ADGRG4: variants seen among roughly 807,000 people sequenced by gnomAD.
ADGRG4 encodes the protein G protein-coupled receptor 112.
Under a neutral mutation model 126.2 loss-of-function variants are expected in ADGRG4, and 122 were observed. That is an observed-to-expected ratio of 0.97 (90% confidence interval 0.83 to 1.12). ADGRG4 has a LOEUF of 1.12. ADGRG4 is among the 50% of genes most tolerant of loss of function. The pLI, the probability that ADGRG4 is intolerant of heterozygous loss-of-function variation, is 0.00. For missense variants in ADGRG4, 2,481 were observed against 2,251.8 expected (o/e 1.10, Z -2.06); for synonymous variants, 943 against 838.7 (o/e 1.12, Z -2.15).
At position 136,353,341 on chromosome X, in the gene ADGRG4, A is replaced by G; in HGVS notation, c.6827A>G (p.Asn2276Ser). ...VINEFTENSL[N>S]SIFQNSEFSL... ...ATTTTTTTTTGTCTTGTACAGTTGAATTCTATATTTCAGAACAGTGAATTT... is the reference window on the plus strand; with the variant it reads ...ATTTTTTTTTGTCTTGTACAGTTGAGTTCTATATTTCAGAACAGTGAATTT... Residue 2276 changes from asparagine (N) to serine (S), a missense_variant, in exon 8 of 26, where the codon AAT becomes AGT. Asn to Ser is a conservative substitution (Grantham distance 46). Coordinates refer to ENST00000394143, the MANE Select transcript of ADGRG4 (RefSeq NM_153834.4). 1.7e-6 allele frequency: 2 copies of G among 1,183,974 alleles called. No homozygotes were observed. The highest frequency in any genetic ancestry group is 2.3e-6 in the Non-Finnish European group (2 of 871,470).
chrX:136,393,707 A>G (rs2075331930), intron 18 of ADGRG4, 127 bp downstream of exon 18: 1 of 468,623 alleles, frequency 2.1e-6, no homozygotes, highest in East Asian at 3.8e-5. Flanking sequence ...AATGACCAAG[A>G]TACAGGATAT....
At chrX:136,397,491 C>CA (rs2075356336) in intron 19 of ADGRG4, among the ~76,000 whole-genome samples, 2 of 50,568 alleles carry the variant, frequency 4.0e-5, no homozygotes, top group African/African-American at 1.5e-4. Flanking sequence ...AGGAAAAGGA[C>CA]TTTTTTTTTT....
In ADGRG4 at chrX:136,396,791, CTT is replaced by C. The variant is rs778121909; in HGVS notation, c.8185-1076_8185-1075del. Among the ~76,000 whole-genome samples, 5 of 92,090 alleles carry C rather than the reference CTT, an allele frequency of 5.4e-5. No homozygotes were observed. In the South Asian group the frequency reaches 1.6e-3, roughly 29 times the overall value. The allele number at this position is 92,090 out of a possible 115,157, so 80.0% of individuals were successfully genotyped here. On this transcript the variant is annotated intron_variant, in intron 19 of 25. Transcript: ENST00000394143. ...AGATATTCTGGCCAAATAGTTCTGT[CTT>C]TTTTTTTTTTTTTCTTAACGGAGTC... is the stretch of plus-strand genomic sequence containing the variant.
intron 5 of ADGRG4, among the ~76,000 whole-genome samples, chrX:136,334,554 C>T (rs1333266583): frequency 1.8e-5 from 2 of 112,154 alleles, no homozygotes; most frequent in African/African-American, 6.5e-5. Context: ...GACGTCTTTA[C>T]TATGTTGAAT....
At position 136,363,539 on chromosome X, in the gene ADGRG4, T is replaced by C; in HGVS notation, c.7340T>C (p.Leu2447Ser). Residue 2447 changes from leucine (L) to serine (S), a missense_variant, in exon 13 of 26, where the codon TTG (leucine) becomes TCG (serine). By Grantham distance (145) the Leu-to-Ser change is moderately radical. Transcript: ENST00000394143. ...WEKPKFKQCK[L>S]LQELPDKIVD... ...AAGCCAAAGTTTAAACAATGCAAAT[T>C]GCTTCAAGAACTTCCTGACAAGATT... is the stretch of plus-strand genomic sequence containing the variant. The C allele has an allele frequency of 5.8e-6, 7 of 1,203,149 alleles. No homozygotes were observed. The highest frequency in any genetic ancestry group is 5.6e-6 in the Non-Finnish European group (5 of 887,732).
chrX:136,372,663 G>A (rs932499114), intron 14 of ADGRG4, among the ~76,000 whole-genome samples: 3 of 111,951 alleles, frequency 2.7e-5, no homozygotes, highest in Non-Finnish European at 3.8e-5. Flanking sequence ...TTCAGGTGAG[G>A]AAACTGAAGC....
At chrX:136,380,670 TTCC>T (rs1457451640) in intron 15 of ADGRG4, among the ~76,000 whole-genome samples, 25 of 62,367 alleles carry the variant, frequency 4.0e-4, no homozygotes, top group East Asian at 2.2e-3. Context: ...CCTCCTCCTC[TTCC>T]TCCTCCTCCT....
chrX:136,416,333 C>G, intron 25 of ADGRG4, 121 bp from the exon 26 acceptor site: 3 of 499,965 alleles, frequency 6.0e-6, no homozygotes, highest in Non-Finnish European at 6.8e-6. Context: ...AGCACCATAT[C>G]CTTCCCTTCT....
intron 8 of ADGRG4, among the ~76,000 whole-genome samples, chrX:136,355,660 G>A (rs969908756): frequency 9.0e-6 from 1 of 111,503 alleles, no homozygotes; most frequent in African/African-American, 3.3e-5. Flanking sequence ...CATTTACTAA[G>A]AGAATAAGAT....
At chrX:136,413,061 T>TC (rs2075454757) in intron 24 of ADGRG4, among the ~76,000 whole-genome samples, 1 of 110,128 alleles carries the variant, frequency 9.1e-6, no homozygotes, top group Non-Finnish European at 1.9e-5. Context: ...TATTTTATTT[T>TC]TTTTCTTCCA....
At chrX:136,303,481 C>A (rs763557301) in intron 1 of ADGRG4, among the ~76,000 whole-genome samples, 5 of 107,333 alleles carry the variant, frequency 4.7e-5, no homozygotes, top group Non-Finnish European at 7.9e-5. Flanking sequence ...GACAGACAGA[C>A]AGAAAGAAAG....
At chrX:136,412,189 A>G in intron 23 of ADGRG4, 76 bp from the exon 24 acceptor site, 1 of 644,484 alleles carries the variant, frequency 1.6e-6, no homozygotes, top group Non-Finnish European at 2.6e-6. Flanking sequence ...TCATGACAGA[A>G]GCAGGCCTGA....
intron 21 of ADGRG4, among the ~76,000 whole-genome samples, chrX:136,400,604 G>A (rs2075374589): frequency 2.7e-5 from 3 of 112,326 alleles, no homozygotes; most frequent in South Asian, 7.3e-4. Context: ...CAGCTAGTAG[G>A]CAAGAGAGCT....
At chrX:136,361,099 A>G (rs1201646607) in intron 11 of ADGRG4, among the ~76,000 whole-genome samples, 1 of 110,823 alleles carries the variant, frequency 9.0e-6, no homozygotes, top group Non-Finnish European at 1.9e-5. Flanking sequence ...GCTTGAGGCC[A>G]GGAGTTTGAG....
chrX:136,356,922 G>A (rs2075097317), intron 9 of ADGRG4, among the ~76,000 whole-genome samples: 1 of 111,671 alleles, frequency 9.0e-6, no homozygotes, highest in Admixed American at 9.5e-5. Context: ...GGGATCACAT[G>A]AGCCCAGATT....
intron 5 of ADGRG4, among the ~76,000 whole-genome samples, chrX:136,331,661 C>T (rs953855811): frequency 9.0e-6 from 1 of 111,489 alleles, no homozygotes; most frequent in Non-Finnish European, 1.9e-5. Flanking sequence ...TTGCATTACC[C>T]TGATGCTTCA....
rs781021258 is a variant in ADGRG4 at position 136,349,290 on chromosome X, G to A, written c.5584G>A (p.Glu1862Lys). ...TSPPPTSQMV[E>K]FPVLGTRMTS... ...TCCTCCTCCCACATCCCAAATGGTTGAATTTCCAGTTCTGGGAACAAGAAT... is the reference window on the plus strand; with the variant it reads ...TCCTCCTCCCACATCCCAAATGGTTAAATTTCCAGTTCTGGGAACAAGAAT... The change falls in exon 6 of 26, where the codon GAA becomes AAA. Residue 1862 changes from glutamate (E) to lysine (K), a missense_variant. Physicochemically the swap from Glu to Lys is moderately conservative, Grantham distance 56 (BLOSUM62 1). Coordinates refer to ENST00000394143, the MANE Select transcript of ADGRG4 (RefSeq NM_153834.4). 1 of 1,208,000 alleles carries A rather than the reference G, an allele frequency of 8.3e-7. No individual in the cohort carries two copies. Among genetic ancestry groups the A allele is most frequent in the Non-Finnish European group, 1.1e-6 (1 of 892,596 alleles).
chrX:136,320,399 C>T (rs534503536), intron 4 of ADGRG4, among the ~76,000 whole-genome samples: 3 of 111,636 alleles, frequency 2.7e-5, no homozygotes, highest in African/African-American at 9.8e-5. Flanking sequence ...ATTGGCACTC[C>T]CACTAGCAGC....
At chrX:136,366,615 T>C (rs1033738996) in intron 13 of ADGRG4, among the ~76,000 whole-genome samples, 2 of 112,252 alleles carry the variant, frequency 1.8e-5, no homozygotes, top group Non-Finnish European at 3.8e-5. Flanking sequence ...AGCTGACAAA[T>C]TGCCTTCCAA....
Sources: allele counts gnomAD v4.1 joint callset (sites outside exome capture counted in the v4.1 genomes callset), GRCh38; gene constraint gnomAD v4.1.1; transcripts MANE v1.5; gene names NCBI Gene and HGNC (gene_info 2026-07-23, HGNC 2026-07-21).